The following UBL3 variants were observed in gnomAD, a reference collection of about 807,000 sequenced individuals.
The protein encoded by UBL3 is ubiquitin-like protein 3.
Under a neutral mutation model 18.4 loss-of-function variants are expected in UBL3, and 6 were observed. The observed-to-expected ratio is 0.33, with a 90% confidence interval of 0.18 to 0.64. The LOEUF is 0.64. Ranked by LOEUF, UBL3 falls within the 30% of genes least tolerant of loss-of-function variation. UBL3 has a pLI of 0.76. For synonymous variants in UBL3, 49 were observed against 46.6 expected (o/e 1.05, Z -0.21); for missense variants, 109 against 142.9 (o/e 0.76, Z 1.21).
At chr13:29,815,350 T>C (rs1319525408) in intron 1 of UBL3, among the ~76,000 whole-genome samples, 2 of 152,088 alleles carry the variant, frequency 1.3e-5, no homozygotes, top group Non-Finnish European at 2.9e-5. Flanking sequence ...ACTTCTGAGA[T>C]CCTCTAGTCT....
rs1242303153 is a variant in UBL3, at chr13:29,808,074, CCT to C, written c.28-30813_28-30812del. On this transcript the variant is annotated intron_variant, in intron 1 of 4. Coordinates refer to ENST00000380680, the MANE Select transcript of UBL3 (RefSeq NM_007106.4). Reference sequence around the variant, plus strand: ...GGTATATATGAGGAAATTCTCAAAGCCTCTGTTTGCTAAAGGGAAAAATGAAC... The same window carrying C: ...GGTATATATGAGGAAATTCTCAAAGCCTGTTTGCTAAAGGGAAAAATGAAC... 4.6e-5 allele frequency among the ~76,000 whole-genome samples: 7 copies of C among 152,044 alleles called. 1 individual carries two copies. In the East Asian group the frequency reaches 1.3e-3, roughly 29 times the overall value.
intron 3 of UBL3, among the ~76,000 whole-genome samples, chr13:29,771,460 G>A (rs559454419): frequency 6.6e-5 from 10 of 152,146 alleles, no homozygotes; most frequent in Admixed American, 3.9e-4. Context: ...ATTTATGCAC[G>A]TAAGCACTTT....
intron 2 of UBL3, among the ~76,000 whole-genome samples, chr13:29,773,265 C>A (rs1876893281): frequency 6.6e-6 from 1 of 152,116 alleles, no homozygotes; most frequent in Non-Finnish European, 1.5e-5. Flanking sequence ...AACTTAGGCA[C>A]AGCAGAAATG....
At chr13:29,826,732 G>C (rs1443590328) in intron 1 of UBL3, among the ~76,000 whole-genome samples, 1 of 152,084 alleles carries the variant, frequency 6.6e-6, no homozygotes. Context: ...GCTAGCTTTT[G>C]AATGTGTTTG....
At chr13:29,835,127 T>TCTCTCC (rs1878909623) in intron 1 of UBL3, among the ~76,000 whole-genome samples, 1 of 3,326 alleles carries the variant, frequency 3.0e-4, no homozygotes, top group South Asian at 0.015. Flanking sequence ...TATATATAAA[T>TCTCTCC]ATATATATAT....
intron 2 of UBL3, among the ~76,000 whole-genome samples, chr13:29,772,425 G>C (rs1876867779): frequency 6.6e-6 from 1 of 151,936 alleles, no homozygotes; most frequent in African/African-American, 2.4e-5. Flanking sequence ...GCTTCTTAAA[G>C]AATACTAAAA....
At chr13:29,811,543 G>A (rs576434305) in intron 1 of UBL3, among the ~76,000 whole-genome samples, 3 of 152,120 alleles carry the variant, frequency 2.0e-5, no homozygotes, top group Middle Eastern at 3.4e-3. Flanking sequence ...AGAGAGCTGC[G>A]GAAGGAAACT....
chr13:29,767,744 A>T, intron 3 of UBL3, 49 bp from the exon 4 acceptor site: 1 of 1,517,368 alleles, frequency 6.6e-7, no homozygotes, highest in South Asian at 1.2e-5. Context: ...CGACCTATTA[A>T]AATCACTATC....
intron 1 of UBL3, among the ~76,000 whole-genome samples, chr13:29,785,381 G>A (rs1176124562): frequency 1.3e-5 from 2 of 152,040 alleles, no homozygotes; most frequent in Non-Finnish European, 2.9e-5. Flanking sequence ...TTATAATTTG[G>A]TGTTTATGTC....
At chr13:29,776,358 C>T (rs535844911) in intron 2 of UBL3, among the ~76,000 whole-genome samples, 1 of 146,172 alleles carries the variant, frequency 6.8e-6, no homozygotes, top group East Asian at 2.0e-4. Context: ...AAATTCCTGG[C>T]CTCAAGTGAT....
chr13:29,780,367 A>AAAAAAAAAATAT lies in UBL3; in HGVS notation c.28-3105_28-3104insATATTTTTTTTT, dbSNP rs1359464345. 1.8e-3 allele frequency among the ~76,000 whole-genome samples: 188 copies of AAAAAAAAAATAT among 103,220 alleles called. 1 individual carries two copies. Among genetic ancestry groups the AAAAAAAAAATAT allele is most frequent in the East Asian group, 7.3e-3 (19 of 2,592 alleles). 67.7% of individuals were successfully genotyped at this position (103,220 alleles called of 152,430 possible). A position where few individuals can be genotyped will look rare whatever the true frequency, so the allele number is the denominator to read the frequency against. On this transcript the variant is annotated intron_variant, in intron 1 of 4. Coordinates refer to ENST00000380680, the MANE Select transcript of UBL3 (RefSeq NM_007106.4). Reference sequence around the variant, plus strand: ...AGACTCTGTCTCAAAAAAAAAAAAAAATATATATATATATATATATATATG... The same window carrying AAAAAAAAAATAT: ...AGACTCTGTCTCAAAAAAAAAAAAAAAAAAAAAAATATATATATATATATATATATATATATG...
At chr13:29,768,121 G>C (rs1488280690) in intron 3 of UBL3, among the ~76,000 whole-genome samples, 1 of 152,000 alleles carries the variant, frequency 6.6e-6, no homozygotes, top group Admixed American at 6.6e-5. Context: ...AGGCTACTAT[G>C]ATGTAGAAAT....
intron 1 of UBL3, among the ~76,000 whole-genome samples, chr13:29,803,736 T>G (rs1877831605): frequency 6.6e-6 from 1 of 152,070 alleles, no homozygotes; most frequent in Non-Finnish European, 1.5e-5. Context: ...CAACAAGATC[T>G]AACTATCCTA....
In UBL3 at chr13:29,843,872, C is replaced by T. The variant is rs976367486; in HGVS notation, c.27+5640G>A. ...TGAAGTGACAACTTGGGGATTTTTTCCCAAACACATCCGCTAGATTTTTAT... is the reference window on the plus strand; with the variant it reads ...TGAAGTGACAACTTGGGGATTTTTTTCCAAACACATCCGCTAGATTTTTAT... On this transcript the variant is annotated intron_variant, in intron 1 of 4. Transcript: ENST00000380680. Among the ~76,000 whole-genome samples, 204 of 151,920 alleles carry T rather than the reference C, an allele frequency of 1.3e-3. 2 individuals carry two copies. Among genetic ancestry groups the T allele is most frequent in the Admixed American group, 3.9e-3 (60 of 15,260 alleles).
At chr13:29,782,389 C>G (rs757605298) in intron 1 of UBL3, among the ~76,000 whole-genome samples, 1 of 152,162 alleles carries the variant, frequency 6.6e-6, no homozygotes, top group African/African-American at 2.4e-5. Flanking sequence ...TGCCAATAAA[C>G]TGATATTACA....
chr13:29,822,054 T>C (rs963603626), intron 1 of UBL3, among the ~76,000 whole-genome samples: 9 of 152,228 alleles, frequency 5.9e-5, no homozygotes, highest in African/African-American at 1.7e-4. Flanking sequence ...CACTGGAATA[T>C]GCTGCCTTGG....
At chr13:29,848,365 G>A (rs1478161376) in intron 1 of UBL3, among the ~76,000 whole-genome samples, 1 of 151,442 alleles carries the variant, frequency 6.6e-6, no homozygotes, top group Non-Finnish European at 1.5e-5. Flanking sequence ...GCTGAGGCAG[G>A]AGAATCGCTT....
intron 1 of UBL3, among the ~76,000 whole-genome samples, chr13:29,828,785 T>A (rs1370886375): frequency 6.6e-6 from 1 of 152,184 alleles, no homozygotes; most frequent in East Asian, 1.9e-4. Context: ...TCTGCTCTGT[T>A]TTTTCCCCAT....
chr13:29,772,049 A>G (rs1593648574), intron 3 of UBL3, 63 bp downstream of exon 3: 1 of 1,405,426 alleles, frequency 7.1e-7, no homozygotes, highest in Non-Finnish European at 9.9e-7. Flanking sequence ...ATTAACATTT[A>G]AAACAAGCGA....
Sources: gnomAD v4.1 joint callset for allele counts (sites outside exome capture counted in the v4.1 genomes callset) on GRCh38, gnomAD v4.1.1 for gene constraint, MANE v1.5 for transcripts, NCBI Gene and HGNC (gene_info 2026-07-23, HGNC 2026-07-21) for gene names.